TNK1: variants seen among roughly 807,000 people sequenced by gnomAD.
TNK1 encodes the protein non-receptor tyrosine-protein kinase TNK1.
Under a neutral mutation model 65.2 loss-of-function variants are expected in TNK1, and 53 were observed. The observed-to-expected ratio is 0.81, with a 90% CI of 0.65 to 1.02. The LOEUF is 1.02. Ranked by LOEUF, TNK1 falls within the 50% of genes least tolerant of loss-of-function variation. The pLI is 0.00. For synonymous variants in TNK1, 353 were observed against 364.6 expected, an observed-to-expected ratio of 0.97 and a Z score of 0.36; for missense variants, 837 against 878.4, an observed-to-expected ratio of 0.95 and a Z score of 0.60.
chr17:7,388,325 T>G lies in TNK1; in HGVS notation c.1478-81T>G. The stretch of plus-strand genomic sequence containing the variant: ...CTATAGTCCCAGCTACTCGGGAGGC[T>G]GAGGTGGGAGGATCGCTTGAGCCCG... On this transcript the variant is annotated intron_variant, in intron 10 of 12. Transcript: ENST00000688331. This position sits in a 1 kb window ranked among gnomAD's most constrained non-coding sequence, Gnocchi z 4.5. The G allele has an allele frequency of 7.0e-7, 1 of 1,422,688 alleles. No homozygotes were observed. Among genetic ancestry groups the G allele is most frequent in the South Asian group, 1.4e-5 (1 of 73,104 alleles). 88.1% of individuals were successfully genotyped at this position (1,422,688 alleles called of 1,614,324 possible).
In TNK1 at chr17:7,383,734, G is replaced by T; in HGVS notation, c.452G>T (p.Arg151Leu). The change falls in exon 5 of 13, where the codon CGG (arginine) becomes CTG (leucine). Residue 151 changes from arginine to leucine, a missense_variant. By Grantham distance (102) the Arg-to-Leu change is moderately radical. Coordinates refer to ENST00000688331, the MANE Select transcript of TNK1 (RefSeq NM_003985.6). The part of the protein sequence containing the change: ...KSVPVAVKSL[R>L]VGPEGPMGTE... Reference sequence around the variant, plus strand: ...GTCCCAGTGGCTGTCAAGTCCCTCCGGGTAGGTCCCGAAGGCCCGATGGGC... The same window carrying T: ...GTCCCAGTGGCTGTCAAGTCCCTCCTGGTAGGTCCCGAAGGCCCGATGGGC... 1 of 1,612,342 alleles carries T rather than the reference G, an allele frequency of 6.2e-7. No individual in the cohort carries two copies. The highest frequency in any genetic ancestry group is 8.5e-7 in the Non-Finnish European group (1 of 1,179,232).
intron 5 of TNK1, 46 bp from the exon 6 acceptor site, chr17:7,383,923 AG>A: frequency 6.4e-7 from 1 of 1,561,314 alleles, no homozygotes. Context: ...GTGGGCGGCC[AG>A]GGTCCAATGG....
chr17:7,388,414 A>G lies in TNK1; in HGVS notation c.1486A>G (p.Arg496Gly), dbSNP rs201460579. 2.5e-6 allele frequency: 4 copies of G among 1,605,232 alleles called. No homozygotes were observed. The African/African-American group carries it at 5.4e-5, about 22-fold the overall frequency. The change falls in exon 11 of 13, where the codon AGG becomes GGG. Residue 496 changes from arginine (R) to glycine (G), a missense_variant. Transcript: ENST00000688331. This position sits in a 1 kb window ranked among gnomAD's most constrained non-coding sequence, Gnocchi z 4.5. ...CCTTCTCAACTGTGCAGGCATTTCCAGGAGTCTGGAGTCAGTTCTGTCCCT... is the reference window on the plus strand; with the variant it reads ...CCTTCTCAACTGTGCAGGCATTTCCGGGAGTCTGGAGTCAGTTCTGTCCCT... ...MPLERMKGIS[R>G]SLESVLSLGP...
chr17:7,388,943 G>C lies in TNK1; in HGVS notation c.1873-28G>C. On this transcript the variant is annotated intron_variant, in intron 12 of 12. Coordinates refer to ENST00000688331, the MANE Select transcript of TNK1 (RefSeq NM_003985.6). The surrounding 1 kb of genome is among the most constrained non-coding windows in gnomAD (Gnocchi z 4.5). ...TCCTGCCCCTGCCGCCTGGCAGTCA[G>C]CTGCAACCCACCCTCCTGCTTCCAC... 1.9e-6 allele frequency: 3 copies of C among 1,555,718 alleles called. 1 individual carries two copies. The South Asian group carries it at 3.6e-5, about 18-fold the overall frequency.
rs750742958 is a variant in TNK1, at chr17:7,386,994, G to C, written c.1237G>C (p.Asp413His). The change falls in exon 9 of 13, where the codon GAC becomes CAC. Residue 413 changes from aspartate to histidine, a missense_variant. By Grantham distance (81) the Asp-to-His change is moderately conservative (BLOSUM62 -1). Coordinates refer to ENST00000688331, the MANE Select transcript of TNK1 (RefSeq NM_003985.6). ...TACCAGCTCCTCTTTCCACAGCCCC[G>C]ACTCCACAATCTGGAAGGGCCAGAA... ...DPITVIEGSP[D>H]STIWKGQNGR... The C allele has an allele frequency of 1.3e-6, 2 of 1,562,522 alleles. No homozygotes were observed. The highest frequency in any genetic ancestry group is 1.7e-6 in the Non-Finnish European group (2 of 1,153,162).
In TNK1 at chr17:7,383,262, T is replaced by C. The variant is rs1418680438; in HGVS notation, c.176T>C (p.Leu59Pro). Residue 59 changes from leucine (L) to proline (P), a missense_variant, in exon 3 of 13, where the codon CTG (leucine) becomes CCG (proline). By Grantham distance (98) the Leu-to-Pro change is moderately conservative (BLOSUM62 -3). Transcript: ENST00000688331. ...TGGCCTCCCACAGCCCAGCGCAGACTGTCCGAAGCTCTGAAAAGGCTACGT... is the reference window on the plus strand; with the variant it reads ...TGGCCTCCCACAGCCCAGCGCAGACCGTCCGAAGCTCTGAAAAGGCTACGT... ...IGMGRPAQRRLSEALKRLRSG... is the reference protein window; with the variant it reads ...IGMGRPAQRRPSEALKRLRSG... 1 of 1,614,034 alleles carries C rather than the reference T, an allele frequency of 6.2e-7. No homozygotes were observed. The highest frequency in any genetic ancestry group is 1.7e-5 in the Admixed American group (1 of 60,018).
In TNK1 at chr17:7,388,409, T is replaced by C; in HGVS notation, c.1481T>C (p.Ile494Thr). 9 of 1,603,486 alleles carry C rather than the reference T, an allele frequency of 5.6e-6. No homozygotes were observed. The highest frequency in any genetic ancestry group is 6.8e-6 in the Non-Finnish European group (8 of 1,174,544). ...RNMPLERMKG[I>T]SRSLESVLSL... ...TGTTTCCTTCTCAACTGTGCAGGCA[T>C]TTCCAGGAGTCTGGAGTCAGTTCTG... The change falls in exon 11 of 13, where the codon ATT becomes ACT. Residue 494 changes from isoleucine (I) to threonine (T), a missense_variant. Coordinates refer to ENST00000688331, the MANE Select transcript of TNK1 (RefSeq NM_003985.6). This position sits in a 1 kb window ranked among gnomAD's most constrained non-coding sequence, Gnocchi z 4.5.
At position 7,384,594 on chromosome 17, in the gene TNK1, G is replaced by A. The variant is rs776828527; in HGVS notation, c.977G>A (p.Gly326Glu). Residue 326 changes from glycine (G) to glutamate (E), a missense_variant, in exon 7 of 13, where the codon GGG (glycine) becomes GAG (glutamate). Coordinates refer to ENST00000688331, the MANE Select transcript of TNK1 (RefSeq NM_003985.6). Reference sequence around the variant, plus strand: ...TCCGGGGGCGAGGAACCCTGGGCCGGGGTCCCACCGTACCTCATCCTGCAG... The same window carrying A: ...TCCGGGGGCGAGGAACCCTGGGCCGAGGTCCCACCGTACCTCATCCTGCAG... ...MFSGGEEPWA[G>E]VPPYLILQRL... The A allele has an allele frequency of 2.5e-6, 4 of 1,612,520 alleles. No homozygotes were observed.
chr17:7,381,368 G>A (rs1904803485), intron 1 of TNK1, among the ~76,000 whole-genome samples: 1 of 152,212 alleles, frequency 6.6e-6, no homozygotes, highest in Admixed American at 6.5e-5. Context: ...CCACCTGCGC[G>A]TTTCCAACTA....
chr17:7,386,417 A>G, intron 7 of TNK1, 144 bp from the exon 8 acceptor site: 1 of 630,960 alleles, frequency 1.6e-6, no homozygotes, highest in Non-Finnish European at 2.8e-6. Context: ...TCCCTCACTG[A>G]ATTACAATGG....
rs755464330 is a variant in TNK1 at position 7,387,008 on chromosome 17, G to C, written c.1251G>C (p.Trp417Cys). ...TCCACAGCCCCGACTCCACAATCTG[G>C]AAGGGCCAGAATGGTCGCACCTTCA... Reference protein sequence around the residue: ...VIEGSPDSTIWKGQNGRTFKV... With the variant: ...VIEGSPDSTICKGQNGRTFKV... Residue 417 changes from tryptophan (W) to cysteine (C), a missense_variant, in exon 9 of 13, where the codon TGG (tryptophan) becomes TGC (cysteine). Physicochemically the swap from Trp to Cys is radical, Grantham distance 215. Transcript: ENST00000688331. 7.0e-6 allele frequency: 11 copies of C among 1,580,474 alleles called. No individual in the cohort carries two copies. In the South Asian group the frequency reaches 1.3e-4, roughly 18 times the overall value.
rs777639611 is a variant in TNK1, at chr17:7,389,534, G to A, written c.*450G>A. ...ATGGAAGCCACCATATTGACTTGGG[G>A]TATAGGCCCAAACTGCCTTCGTTTG... On this transcript the variant is annotated 3_prime_UTR_variant, in exon 13 of 13. Coordinates refer to ENST00000688331, the MANE Select transcript of TNK1 (RefSeq NM_003985.6). 2 of 370,748 alleles carry A rather than the reference G, an allele frequency of 5.4e-6. No homozygotes were observed. The highest frequency in any genetic ancestry group is 7.0e-4 in the Middle Eastern group (1 of 1,438). The allele number at this position is 370,748 out of a possible 1,614,324, so 23.0% of individuals were successfully genotyped here.
In TNK1 at chr17:7,388,639, C is replaced by T. The variant is rs775000593; in HGVS notation, c.1711C>T (p.Arg571Cys). The part of the protein sequence containing the change: ...HNHPMGMPGA[R>C]KAAALSGGLL... The stretch of plus-strand genomic sequence containing the variant: ...TCACCCCATGGGAATGCCTGGAGCC[C>T]GTAAAGCCGCTGCCCTCTCTGGAGG... Residue 571 changes from arginine to cysteine, a missense_variant, in exon 11 of 13, where the codon CGT becomes TGT. Coordinates refer to ENST00000688331, the MANE Select transcript of TNK1 (RefSeq NM_003985.6). This position sits in a 1 kb window ranked among gnomAD's most constrained non-coding sequence, Gnocchi z 4.5. The T allele has an allele frequency of 5.1e-5, 83 of 1,613,830 alleles. No individual in the cohort carries two copies. Among genetic ancestry groups the T allele is most frequent in the African/African-American group, 8.0e-5 (6 of 74,902 alleles).
chr17:7,383,611 A>C lies in TNK1; in HGVS notation c.421A>C (p.Lys141Gln). Residue 141 changes from lysine to glutamine, a missense_variant, in exon 4 of 13, where the codon AAG (lysine) becomes CAG (glutamine). Coordinates refer to ENST00000688331, the MANE Select transcript of TNK1 (RefSeq NM_003985.6). The stretch of plus-strand genomic sequence containing the variant: ...AGGGCTGTGGACGCTGCCCAGTGGC[A>C]AGAGTGTGAGTGTCCAGGGAGCCCG... ...HRGLWTLPSG[K>Q]SVPVAVKSLR... 1 of 1,600,006 alleles carries C rather than the reference A, an allele frequency of 6.2e-7. No individual in the cohort carries two copies. The highest frequency in any genetic ancestry group is 1.3e-5 in the African/African-American group (1 of 74,860).
At chr17:7,383,404 G>A in intron 3 of TNK1, 21 bp from the exon 4 acceptor site, 2 of 1,613,962 alleles carry the variant, frequency 1.2e-6, no homozygotes, top group Non-Finnish European at 1.7e-6. Flanking sequence ...CTGCATACCG[G>A]ATTTCCCATC....
rs17732702 is a variant in TNK1 at position 7,383,040 on chromosome 17, C to T, written c.114C>T (p.Phe38=). The T allele has an allele frequency of 0.018, 28,859 of 1,613,992 alleles. 429 individuals carry two copies. Among genetic ancestry groups the T allele is most frequent in the Admixed American group, 0.044 (2,665 of 60,024 alleles). The part of the protein sequence containing the change: ...EELNVTRPEH[F]DFVKPEDLDG... ...TTAATGTCACTCGGCCAGAGCACTT[C>T]GACTTTGTAAAGCCTGAGGACCTGG... Residue 38 remains phenylalanine (F), a synonymous_variant, in exon 2 of 13, where the codon TTC becomes TTT. Coordinates refer to ENST00000688331, the MANE Select transcript of TNK1 (RefSeq NM_003985.6).
chr17:7,381,461 A>C (rs1233548992), intron 1 of TNK1, among the ~76,000 whole-genome samples: 1 of 152,152 alleles, frequency 6.6e-6, no homozygotes, highest in Non-Finnish European at 1.5e-5. Flanking sequence ...GGAAAGTGTG[A>C]GCAGGCTGCC....
chr17:7,382,808 G>A lies in TNK1; in HGVS notation c.-91-28G>A. On this transcript the variant is annotated intron_variant, in intron 1 of 12. Transcript: ENST00000688331. The surrounding 1 kb of genome is among the most constrained non-coding windows in gnomAD (Gnocchi z 4.1). The stretch of plus-strand genomic sequence containing the variant: ...CTGTCTCTGCTGTGTCCCTGCCTCT[G>A]TACCTGAGTGTTTCTAATGACTTGC... The A allele has an allele frequency of 9.1e-7, 1 of 1,095,698 alleles. No individual in the cohort carries two copies. Among genetic ancestry groups the A allele is most frequent in the Non-Finnish European group, 1.3e-6 (1 of 764,438 alleles). 67.9% of individuals were successfully genotyped at this position (1,095,698 alleles called of 1,614,324 possible).
At position 7,384,601 on chromosome 17, in the gene TNK1, A is replaced by G; in HGVS notation, c.984A>G (p.Pro328=). The change falls in exon 7 of 13, where the codon CCA becomes CCG. Residue 328 remains proline (P), a synonymous_variant. Coordinates refer to ENST00000688331, the MANE Select transcript of TNK1 (RefSeq NM_003985.6). Reference sequence around the variant, plus strand: ...GCGAGGAACCCTGGGCCGGGGTCCCACCGTACCTCATCCTGCAGCGGCTGG... The same window carrying G: ...GCGAGGAACCCTGGGCCGGGGTCCCGCCGTACCTCATCCTGCAGCGGCTGG... The part of the protein sequence containing the change: ...SGGEEPWAGV[P]PYLILQRLED... 6.2e-7 allele frequency: 1 copy of G among 1,612,552 alleles called. No homozygotes were observed. The highest frequency in any genetic ancestry group is 8.5e-7 in the Non-Finnish European group (1 of 1,179,480).
Sources: allele counts gnomAD v4.1 joint callset (sites outside exome capture counted in the v4.1 genomes callset), GRCh38; gene constraint gnomAD v4.1.1; non-coding constraint Gnocchi (gnomAD v3.1); transcripts MANE v1.5; gene names NCBI Gene and HGNC (gene_info 2026-07-23, HGNC 2026-07-21).